The following FRAS1 variants were observed in gnomAD, a reference collection of about 807,000 sequenced individuals.
The protein encoded by FRAS1 is extracellular matrix organizing protein FRAS1.
A neutral mutation model predicts 435.2 loss-of-function variants in FRAS1; 290 were observed. The ratio of observed to expected loss-of-function variants is 0.67; its 90% confidence interval spans 0.61 to 0.73. The LOEUF (loss-of-function observed/expected upper bound fraction) is 0.73, where lower values mean the gene tolerates loss of function less well. Ranked by LOEUF, FRAS1 falls within the 30% of genes least tolerant of loss-of-function variation. The probability of loss-of-function intolerance (pLI) is 0.00; values close to 1 mark genes in which losing one functional copy is unlikely to be tolerated. For missense variants in FRAS1, 4,860 were observed against 5,001.5 expected, an observed-to-expected ratio of 0.97 and a Z score of 0.85; for synonymous variants, 1,800 against 1,851.0, an observed-to-expected ratio of 0.97 and a Z score of 0.71.
In FRAS1 at chr4:78,387,905, G is replaced by T. The variant is rs368310121; in HGVS notation, c.3975+204G>T. On this transcript the variant is annotated intron_variant, in intron 29 of 73. Transcript: ENST00000512123. ...TGTCCCCATGTTCTCTACAAATTGGGACACTTTTGAACCTTTTTTGTTGAG... is the reference window on the plus strand; with the variant it reads ...TGTCCCCATGTTCTCTACAAATTGGTACACTTTTGAACCTTTTTTGTTGAG... 2.7e-4 allele frequency among the ~76,000 whole-genome samples: 41 copies of T among 152,214 alleles called. No individual in the cohort carries two copies. The South Asian group carries it at 3.7e-3, about 14-fold the overall frequency.
chr4:78,284,818 G>T (rs759623336), intron 13 of FRAS1, among the ~76,000 whole-genome samples: 9 of 152,172 alleles, frequency 5.9e-5, no homozygotes, highest in Non-Finnish European at 8.8e-5. Context: ...TTGTTAGGTA[G>T]TCATAGTTAA....
chr4:78,328,810 C>T (rs905610102), intron 18 of FRAS1, among the ~76,000 whole-genome samples: 2 of 152,122 alleles, frequency 1.3e-5, no homozygotes, highest in African/African-American at 4.8e-5. Context: ...AATAATTGCT[C>T]CTCTGGCTGA....
chr4:78,178,955 G>A (rs1721891800), intron 2 of FRAS1, among the ~76,000 whole-genome samples: 3 of 152,164 alleles, frequency 2.0e-5, no homozygotes, highest in Admixed American at 6.5e-5. Flanking sequence ...ATGCACAGAT[G>A]TTCGAGGGGA....
chr4:78,068,475 T>A (rs572271894), intron 2 of FRAS1: 1 of 455,204 alleles, frequency 2.2e-6, no homozygotes, highest in Non-Finnish European at 4.4e-6. Context: ...GCATGGAGGA[T>A]GGCAAGAGAT....
intron 47 of FRAS1, among the ~76,000 whole-genome samples, chr4:78,459,184 A>G (rs187798948): frequency 1.9e-3 from 296 of 152,316 alleles, no homozygotes; most frequent in Non-Finnish European, 3.4e-3. Flanking sequence ...ATGAAATTCT[A>G]TTTACAGGCT....
In FRAS1 at chr4:78,369,976, C is replaced by G; in HGVS notation, c.2861C>G (p.Thr954Arg). Residue 954 changes from threonine (T) to arginine (R), a missense_variant, in exon 23 of 74, where the codon ACG becomes AGG. Physicochemically the swap from Thr to Arg is moderately conservative, Grantham distance 71. Coordinates refer to ENST00000512123, the MANE Select transcript of FRAS1 (RefSeq NM_025074.7). Reference protein sequence around the residue: ...PQYYLDFSTNTCKECDWSCSA... With the variant: ...PQYYLDFSTNRCKECDWSCSA... ...TACTATCTTGACTTCTCCACCAACACGTGCAAAGGTAAAGCTCTTCCTGAA... is the reference window on the plus strand; with the variant it reads ...TACTATCTTGACTTCTCCACCAACAGGTGCAAAGGTAAAGCTCTTCCTGAA... The G allele has an allele frequency of 6.2e-7, 1 of 1,613,150 alleles. No individual in the cohort carries two copies. Among genetic ancestry groups the G allele is most frequent in the Non-Finnish European group, 8.5e-7 (1 of 1,179,384 alleles).
chr4:78,503,432 T>G (rs1720738211), intron 61 of FRAS1, among the ~76,000 whole-genome samples: 1 of 152,216 alleles, frequency 6.6e-6, no homozygotes, highest in South Asian at 2.1e-4. Context: ...TCTTCCTGGT[T>G]TAGTCTTGGG....
intron 4 of FRAS1, among the ~76,000 whole-genome samples, chr4:78,248,729 T>A (rs549839797): frequency 5.3e-5 from 8 of 152,236 alleles, no homozygotes; most frequent in African/African-American, 1.4e-4. Flanking sequence ...AAAATTGTAT[T>A]TTTGTTCTGT....
At chr4:78,367,408 CA>C (rs11299648) in intron 22 of FRAS1, among the ~76,000 whole-genome samples, 41,636 of 121,978 alleles carry the variant, frequency 0.34, 5,833 homozygotes, top group Admixed American at 0.38. Context: ...AGAACTGTCT[CA>C]AAAAAAAAAA....
At position 78,365,711 on chromosome 4, in the gene FRAS1, T is replaced by G. The variant is rs531907230; in HGVS notation, c.2722+1657T>G. On this transcript the variant is annotated intron_variant, in intron 22 of 73. Coordinates refer to ENST00000512123, the MANE Select transcript of FRAS1 (RefSeq NM_025074.7). ...GAGATTGAAAAAATACGCTCCTAAG[T>G]TGGGATATTTGAGTTTCTAGTACAT... is the stretch of plus-strand genomic sequence containing the variant. 1.1e-4 allele frequency among the ~76,000 whole-genome samples: 16 copies of G among 148,116 alleles called. No homozygotes were observed. The East Asian group carries it at 3.1e-3, about 29-fold the overall frequency.
chr4:78,339,288 A>C (rs972468609), intron 20 of FRAS1, among the ~76,000 whole-genome samples: 1 of 152,254 alleles, frequency 6.6e-6, no homozygotes, highest in African/African-American at 2.4e-5. Flanking sequence ...ATTGCTCCCT[A>C]CGTGGCTAAA....
intron 14 of FRAS1, among the ~76,000 whole-genome samples, chr4:78,302,320 G>T (rs1480249587): frequency 6.6e-6 from 1 of 151,718 alleles, no homozygotes; most frequent in African/African-American, 2.4e-5. Context: ...AAACATACGT[G>T]TGCATGTGTC....
chr4:78,357,747 A>G (rs991783912), intron 20 of FRAS1, among the ~76,000 whole-genome samples: 4 of 152,116 alleles, frequency 2.6e-5, no homozygotes, highest in South Asian at 2.1e-4. Context: ...TATGAAAAAT[A>G]AAAGAATTAG....
chr4:78,341,092 C>T (rs550226601), intron 20 of FRAS1, among the ~76,000 whole-genome samples: 2 of 151,764 alleles, frequency 1.3e-5, no homozygotes, highest in African/African-American at 4.9e-5. Context: ...TGGAACAGGA[C>T]CCTGACCCAC....
At chr4:78,306,325 C>G (rs1434442871) in intron 14 of FRAS1, among the ~76,000 whole-genome samples, 1 of 150,260 alleles carries the variant, frequency 6.7e-6, no homozygotes, top group African/African-American at 2.5e-5. Context: ...TTTGGTGAAT[C>G]TGACAATTAT....
At chr4:78,274,147 G>C (rs908059880) in intron 9 of FRAS1, among the ~76,000 whole-genome samples, 21 of 152,176 alleles carry the variant, frequency 1.4e-4, no homozygotes, top group African/African-American at 4.8e-4. Flanking sequence ...ATTTCTGTGG[G>C]ATAGGTGTTG....
chr4:78,486,770 A>G (rs1022890066), intron 58 of FRAS1, among the ~76,000 whole-genome samples: 3 of 148,830 alleles, frequency 2.0e-5, no homozygotes, highest in Non-Finnish European at 3.0e-5. Flanking sequence ...AAAGGGAGGG[A>G]TTGTTTCTGG....
chr4:78,187,992 C>G (rs1433593409), intron 2 of FRAS1, among the ~76,000 whole-genome samples: 1 of 152,144 alleles, frequency 6.6e-6, no homozygotes, highest in Non-Finnish European at 1.5e-5. Flanking sequence ...GTTGGTGATG[C>G]AATTAAACAA....
At chr4:78,091,978 C>CAAA (rs34804542) in intron 2 of FRAS1, among the ~76,000 whole-genome samples, 2,212 of 82,662 alleles carry the variant, frequency 0.027, 76 homozygotes, top group Admixed American at 0.058. Flanking sequence ...GAGACTGTCT[C>CAAA]AAAAAAAAAA....
Sources: allele counts gnomAD v4.1 joint callset (sites outside exome capture counted in the v4.1 genomes callset), GRCh38; gene constraint gnomAD v4.1.1; transcripts MANE v1.5; gene names NCBI Gene and HGNC (gene_info 2026-07-23, HGNC 2026-07-21).